Variants in AGBL1 observed in about 807,000 individuals in gnomAD.
AGBL1 encodes AGBL carboxypeptidase 1, also known as cytosolic carboxypeptidase 4.
Under a neutral mutation model 118.9 loss-of-function variants are expected in AGBL1, and 130 were observed. The ratio of observed to expected loss-of-function variants is 1.09; its 90% CI spans 0.95 to 1.26. The LOEUF (loss-of-function observed/expected upper bound fraction) is 1.26. Among genes scored for constraint, AGBL1 ranks in the 50% most tolerant of loss-of-function variants. The pLI, the probability that AGBL1 is intolerant of heterozygous loss-of-function variation, is 0.00. For missense variants in AGBL1, 1,584 were observed against 1,298.1 expected (o/e 1.22, Z -3.38); for synonymous variants, 555 against 478.9 (o/e 1.16, Z -2.08).
At chr15:86,536,418 C>A (rs2083426642) in intron 19 of AGBL1, among the ~76,000 whole-genome samples, 1 of 152,160 alleles carries the variant, frequency 6.6e-6, no homozygotes, top group Admixed American at 6.5e-5. Context: ...TCAAGCAATT[C>A]TCCTGCCTCA....
intron 23 of AGBL1, among the ~76,000 whole-genome samples, chr15:86,945,907 C>A (rs948252216): frequency 6.6e-6 from 1 of 152,198 alleles, no homozygotes; most frequent in African/African-American, 2.4e-5. Flanking sequence ...AATAATAATT[C>A]TTCCCAAATG....
intron 22 of AGBL1, among the ~76,000 whole-genome samples, chr15:86,800,483 C>T (rs370321066): frequency 6.6e-6 from 1 of 151,942 alleles, no homozygotes; most frequent in African/African-American, 2.4e-5. Flanking sequence ...AATATGGAAC[C>T]TAGGAATCCT....
intron 17 of AGBL1, among the ~76,000 whole-genome samples, chr15:86,319,743 GTTTTTTTTTTTTTTTTTTTT>G (rs139831044): frequency 1.3e-4 from 6 of 47,254 alleles, no homozygotes; most frequent in South Asian, 1.1e-3. Flanking sequence ...CTCTTTGGTA[GTTTTTTTTTTTTTTTTTTTT>G]TTTTTTTTTT....
chr15:86,977,386 T>A (rs1187091710), intron 23 of AGBL1, among the ~76,000 whole-genome samples: 1 of 150,882 alleles, frequency 6.6e-6, no homozygotes, highest in Non-Finnish European at 1.5e-5. Context: ...TTTTTCTTTA[T>A]TAAAGTTTTT....
chr15:86,422,097 C>G (rs2081799171), intron 18 of AGBL1, among the ~76,000 whole-genome samples: 1 of 152,158 alleles, frequency 6.6e-6, no homozygotes, highest in Admixed American at 6.5e-5. Flanking sequence ...CCAAGTGGAC[C>G]TAATAGACAT....
intron 17 of AGBL1, among the ~76,000 whole-genome samples, chr15:86,304,077 A>G (rs2079798173): frequency 6.6e-6 from 1 of 152,162 alleles, no homozygotes; most frequent in African/African-American, 2.4e-5. Context: ...AATCACCCAT[A>G]TGTCAGAAGA....
chr15:86,263,230 C>T (rs555053603), intron 10 of AGBL1, among the ~76,000 whole-genome samples: 1 of 152,198 alleles, frequency 6.6e-6, no homozygotes, highest in Non-Finnish European at 1.5e-5. Context: ...TTTCACTGCA[C>T]CTTTTTATGT....
intron 17 of AGBL1, among the ~76,000 whole-genome samples, chr15:86,336,259 G>A (rs11633107): frequency 0.35 from 53,505 of 152,108 alleles, 11,183 homozygotes; most frequent in Non-Finnish European, 0.47. Flanking sequence ...GCTCCAGGCT[G>A]TGACTTACAT....
At chr15:86,698,434 C>T (rs1323282208) in intron 22 of AGBL1, among the ~76,000 whole-genome samples, 5 of 152,022 alleles carry the variant, frequency 3.3e-5, no homozygotes, top group Admixed American at 3.3e-4. Context: ...ATTTGTCTGA[C>T]TTCAATTTCC....
At chr15:86,491,982 G>T (rs1467486791) in intron 18 of AGBL1, among the ~76,000 whole-genome samples, 1 of 151,910 alleles carries the variant, frequency 6.6e-6, no homozygotes, top group African/African-American at 2.4e-5. Flanking sequence ...GATTTATCTT[G>T]GTTCTCACAA....
intron 17 of AGBL1, among the ~76,000 whole-genome samples, chr15:86,356,405 A>G (rs190527411): frequency 6.6e-6 from 1 of 152,204 alleles, no homozygotes; most frequent in East Asian, 1.9e-4. Flanking sequence ...GGGAAAATGA[A>G]AAAAAATAGC....
intron 22 of AGBL1, among the ~76,000 whole-genome samples, chr15:86,700,506 CACACAA>C (rs145379387): frequency 0.33 from 39,271 of 119,236 alleles, 5,497 homozygotes; most frequent in East Asian, 0.59. Context: ...CACACACACA[CACACAA>C]AATCTCTCTT....
At chr15:86,828,961 TAATA>T (rs894236231) in intron 22 of AGBL1, among the ~76,000 whole-genome samples, 4 of 147,514 alleles carry the variant, frequency 2.7e-5, no homozygotes, top group African/African-American at 5.0e-5. Context: ...TTATATGGTA[TAATA>T]AATATTATAT....
intron 17 of AGBL1, among the ~76,000 whole-genome samples, chr15:86,320,665 A>G (rs1244867643): frequency 1.3e-5 from 2 of 152,060 alleles, no homozygotes; most frequent in African/African-American, 4.8e-5. Flanking sequence ...TGATCTTCAA[A>G]GAAATGCTCT....
At chr15:86,258,409 AT>A (rs911186440) in intron 9 of AGBL1, among the ~76,000 whole-genome samples, 9 of 152,322 alleles carry the variant, frequency 5.9e-5, no homozygotes, top group African/African-American at 1.9e-4. Context: ...CACTCTTCTT[AT>A]CCTTTCTGCA....
At chr15:86,958,196 T>A (rs1249552643) in intron 23 of AGBL1, among the ~76,000 whole-genome samples, 2 of 145,472 alleles carry the variant, frequency 1.4e-5, no homozygotes, top group East Asian at 4.0e-4. Flanking sequence ...TAGAGCAAGA[T>A]CTTGTTTCTT....
intron 5 of AGBL1, among the ~76,000 whole-genome samples, chr15:86,201,025 A>G (rs1205612816): frequency 2.6e-5 from 4 of 152,224 alleles, no homozygotes; most frequent in Non-Finnish European, 5.9e-5. Flanking sequence ...TAGTATAATT[A>G]CAATTATACT....
chr15:86,324,554 G>A (rs947151229), intron 17 of AGBL1, among the ~76,000 whole-genome samples: 3 of 152,144 alleles, frequency 2.0e-5, no homozygotes, highest in Non-Finnish European at 4.4e-5. Flanking sequence ...ATTTGTATTG[G>A]CATCTACTAG....
At chr15:86,906,272 C>T (rs2080278639) in intron 22 of AGBL1, among the ~76,000 whole-genome samples, 1 of 152,230 alleles carries the variant, frequency 6.6e-6, no homozygotes, top group South Asian at 2.1e-4. Context: ...GGGAGACATA[C>T]AGCTCCTTGG....
Sources: gnomAD v4.1 joint callset for allele counts (sites outside exome capture counted in the v4.1 genomes callset) on GRCh38, gnomAD v4.1.1 for gene constraint, MANE v1.5 for transcripts, NCBI Gene and HGNC (gene_info 2026-07-23, HGNC 2026-07-21) for gene names.